Variants in PIK3CD observed in about 807,000 individuals in gnomAD.
The protein encoded by PIK3CD is phosphatidylinositol 4,5-bisphosphate 3-kinase catalytic subunit delta isoform.
Under a neutral mutation model 122.9 loss-of-function variants are expected in PIK3CD, and 20 were observed. The observed-to-expected ratio is 0.16, with a 90% CI of 0.11 to 0.24. The LOEUF is 0.24. Ranked by LOEUF, PIK3CD falls within the 10% of genes least tolerant of loss-of-function variation. The pLI is 1.00. For missense variants in PIK3CD, 787 were observed against 1,406.3 expected (o/e 0.56, Z 7.04); for synonymous variants, 596 against 593.4 (o/e 1.00, Z -0.06).
At chr1:9,683,437 C>CA (rs60086471) in intron 1 of PIK3CD, among the ~76,000 whole-genome samples, 18,394 of 124,350 alleles carry the variant, frequency 0.15, 1,468 homozygotes, top group South Asian at 0.28. Flanking sequence ...GACTCTGTCT[C>CA]AAAAAAAAAA....
rs1213646800 is a variant in PIK3CD, at chr1:9,652,706, C to G, written c.-138+904C>G. On this transcript the variant is annotated intron_variant, in intron 1 of 23. Transcript: ENST00000377346. This position sits in a 1 kb window ranked among gnomAD's most constrained non-coding sequence, Gnocchi z 6.2. ...TAGAGAAGAGGGGAACTGGGACGAC[C>G]TTTCGTGGGCACCAGGATGGGGGCG... 1 of 152,242 alleles carries G rather than the reference C, an allele frequency of 6.6e-6. No individual in the cohort carries two copies. Among genetic ancestry groups the G allele is most frequent in the East Asian group, 1.9e-4 (1 of 5,196 alleles). 9.4% of individuals were successfully genotyped at this position (152,242 alleles called of 1,614,324 possible). A position where few individuals can be genotyped will look rare whatever the true frequency, so the allele number is the denominator to read the frequency against.
Position 9,727,133 on chromosome 1 carries a change from G to C in PIK3CD, c.*87G>C. ...TGGTCCTAAAGGGGCTGAAGAGCCTGAACTGCACCTAACGGGAAAGAACCG... is the reference window on the plus strand; with the variant it reads ...TGGTCCTAAAGGGGCTGAAGAGCCTCAACTGCACCTAACGGGAAAGAACCG... On this transcript the variant is annotated 3_prime_UTR_variant, in exon 24 of 24. Coordinates refer to ENST00000377346, the MANE Select transcript of PIK3CD (RefSeq NM_005026.5). 1 of 1,470,158 alleles carries C rather than the reference G, an allele frequency of 6.8e-7. No individual in the cohort carries two copies. 91.1% of individuals were successfully genotyped at this position (1,470,158 alleles called of 1,614,324 possible). A position where few individuals can be genotyped will look rare whatever the true frequency, so the allele number is the denominator to read the frequency against.
chr1:9,667,135 A>G (rs893961718), intron 1 of PIK3CD, among the ~76,000 whole-genome samples: 3 of 152,142 alleles, frequency 2.0e-5, no homozygotes, highest in Non-Finnish European at 4.4e-5. Context: ...AAGTGCTAGC[A>G]TTACAGGCAT....
chr1:9,632,992 G>A, the PIK3CD span, among the ~76,000 whole-genome samples: 1 of 151,430 alleles, frequency 6.6e-6, no homozygotes, highest in Admixed American at 6.6e-5. Context: ...CACCTGAGTA[G>A]CTGAGACTAC....
Position 9,666,316 on chromosome 1 carries a change from C to T in PIK3CD, c.-138+14514C>T, listed in dbSNP as rs570963687. 4.7e-4 allele frequency among the ~76,000 whole-genome samples: 64 copies of T among 136,984 alleles called. 1 individual carries two copies. The South Asian group carries it at 9.4e-3, about 20-fold the overall frequency. The allele number at this position is 136,984 out of a possible 152,430, so 89.9% of individuals were successfully genotyped here. A position where few individuals can be genotyped will look rare whatever the true frequency, so the allele number is the denominator to read the frequency against. On this transcript the variant is annotated intron_variant, in intron 1 of 23. Transcript: ENST00000377346. ...AGTACAGTGGTGCAATCTCGGCTCA[C>T]TGCAACCTCTGCCCCCCCAGGTTCA...
chr1:9,721,092 C>T (rs542634630), intron 13 of PIK3CD, 35 bp from the exon 14 acceptor site: 18 of 1,584,380 alleles, frequency 1.1e-5, no homozygotes, highest in African/African-American at 5.4e-5. Flanking sequence ...ACCCTGACCC[C>T]GGCCGCCCCC....
the PIK3CD span, among the ~76,000 whole-genome samples, chr1:9,644,301 G>A: frequency 6.6e-6 from 1 of 152,024 alleles, no homozygotes; most frequent in Non-Finnish European, 1.5e-5. Context: ...GATCACCTGA[G>A]GTCAGGAGTT....
At chr1:9,705,488 A>C (rs1359950235) in intron 2 of PIK3CD, among the ~76,000 whole-genome samples, 1 of 152,072 alleles carries the variant, frequency 6.6e-6, no homozygotes, top group Non-Finnish European at 1.5e-5. Context: ...ACAGAGTGAG[A>C]CCCTGTCTCC....
chr1:9,654,413 A>G (rs1244121281), intron 1 of PIK3CD: 1 of 1,367,682 alleles, frequency 7.3e-7, no homozygotes. Flanking sequence ...TGCTAAGAAC[A>G]GGGCAGGCAG....
At chr1:9,629,709 G>A in the PIK3CD span, among the ~76,000 whole-genome samples, 4 of 152,004 alleles carry the variant, frequency 2.6e-5, no homozygotes, top group Admixed American at 2.0e-4. Flanking sequence ...TGTGAAGTTC[G>A]GTCTAAAACA....
At chr1:9,660,105 C>G (rs796497373) in intron 1 of PIK3CD, among the ~76,000 whole-genome samples, 63 of 152,338 alleles carry the variant, frequency 4.1e-4, no homozygotes, top group African/African-American at 1.4e-3. Flanking sequence ...AGCAGACGGG[C>G]TTTCACCATG....
chr1:9,671,282 G>C (rs1645317647), intron 1 of PIK3CD, among the ~76,000 whole-genome samples: 1 of 152,104 alleles, frequency 6.6e-6, no homozygotes, highest in South Asian at 2.1e-4. Flanking sequence ...TATTTCAATG[G>C]AAGACAGGGT....
At chr1:9,683,671 G>A (rs4846192) in intron 1 of PIK3CD, among the ~76,000 whole-genome samples, 76,043 of 151,708 alleles carry the variant, frequency 0.5, 19,078 homozygotes, top group South Asian at 0.58. Context: ...AGAGTTCTAG[G>A]GATCTCTTGC....
chr1:9,683,370 A>G (rs12092221), intron 1 of PIK3CD, among the ~76,000 whole-genome samples: 7,660 of 150,506 alleles, frequency 0.051, 597 homozygotes, highest in African/African-American at 0.17. Context: ...CCCGGGAGGC[A>G]GAGCTTGGAG....
intron 1 of PIK3CD, among the ~76,000 whole-genome samples, chr1:9,669,759 G>A (rs1380004560): frequency 1.3e-5 from 2 of 152,084 alleles, no homozygotes; most frequent in Non-Finnish European, 2.9e-5. Context: ...CTGCTGTTGA[G>A]GAGGAAGTTA....
chr1:9,717,746 C>A lies in PIK3CD; in HGVS notation c.1020+120C>A. ...CATGAAAGCCACCTGACCACATTAC[C>A]CAGCATCCCTGCCTGGGGCGCTGTG... On this transcript the variant is annotated intron_variant, in intron 8 of 23. Coordinates refer to ENST00000377346, the MANE Select transcript of PIK3CD (RefSeq NM_005026.5). This position sits in a 1 kb window ranked among gnomAD's most constrained non-coding sequence, Gnocchi z 5.4. 3.3e-6 allele frequency: 3 copies of A among 911,640 alleles called. No individual in the cohort carries two copies. The highest frequency in any genetic ancestry group is 5.3e-6 in the Non-Finnish European group (3 of 569,256). 56.5% of individuals were successfully genotyped at this position (911,640 alleles called of 1,614,324 possible).
At chr1:9,651,371 G>A (rs1644668011), upstream of PIK3CD, among the ~76,000 whole-genome samples, 1 of 152,182 alleles carries the variant, frequency 6.6e-6, no homozygotes. Flanking sequence ...TAGAGCTGCA[G>A]GTTACCCCCT....
chr1:9,722,733 C>A lies in PIK3CD; in HGVS notation c.2426+127C>A. Reference sequence around the variant, plus strand: ...CGGGGAAAGGGCTTTCCTAGGAAGACCCGGAGGCGGTTTAACTCTAGGCCA... The same window carrying A: ...CGGGGAAAGGGCTTTCCTAGGAAGAACCGGAGGCGGTTTAACTCTAGGCCA... On this transcript the variant is annotated intron_variant, in intron 19 of 23. Transcript: ENST00000377346. This position sits in a 1 kb window ranked among gnomAD's most constrained non-coding sequence, Gnocchi z 7.6. The A allele has an allele frequency of 1.2e-6, 1 of 842,810 alleles. No individual in the cohort carries two copies. Among genetic ancestry groups the A allele is most frequent in the Non-Finnish European group, 2.0e-6 (1 of 505,292 alleles). The allele number at this position is 842,810 out of a possible 1,614,324, so 52.2% of individuals were successfully genotyped here.
chr1:9,642,262 A>G, the PIK3CD span, among the ~76,000 whole-genome samples: 1 of 151,594 alleles, frequency 6.6e-6, no homozygotes, highest in Non-Finnish European at 1.5e-5. Context: ...ACAGGCATGC[A>G]CCACCATGCC....
Sources: gnomAD v4.1 joint callset for allele counts (sites outside exome capture counted in the v4.1 genomes callset) on GRCh38, gnomAD v4.1.1 for gene constraint, Gnocchi (gnomAD v3.1) non-coding constraint, MANE v1.5 for transcripts, NCBI Gene and HGNC (gene_info 2026-07-23, HGNC 2026-07-21) for gene names.